GRIN2B: variants seen among roughly 807,000 people sequenced by gnomAD.
The protein encoded by GRIN2B is glutamate ionotropic receptor NMDA type subunit 2B.
In GRIN2B, 5 loss-of-function variants were observed where a neutral mutation model predicts 114.5. The observed-to-expected ratio is 0.04, with a 90% CI of 0.02 to 0.09. The LOEUF (loss-of-function observed/expected upper bound fraction) is 0.09. GRIN2B is among the 10% of genes least tolerant of loss of function. GRIN2B has a pLI of 1.00. For synonymous variants in GRIN2B, 787 were observed against 745.1 expected (o/e 1.06, Z -0.92); for missense variants, 1,108 against 1,943.5 (o/e 0.57, Z 8.08).
At chr12:13,572,014 G>A (rs750411240) in intron 10 of GRIN2B, 50 bp from the exon 11 acceptor site, 2 of 1,442,018 alleles carry the variant, frequency 1.4e-6, no homozygotes, top group Non-Finnish European at 1.9e-6. Context: ...GAGGGAGAGA[G>A]AGAGAGAAAA....
At chr12:13,874,469 C>CG (rs1450636420) in intron 2 of GRIN2B, among the ~76,000 whole-genome samples, 4 of 152,192 alleles carry the variant, frequency 2.6e-5, no homozygotes, top group African/African-American at 9.7e-5. Flanking sequence ...CAAACACTCA[C>CG]GGGTTTTTCT....
intron 8 of GRIN2B, among the ~76,000 whole-genome samples, chr12:13,613,671 G>T (rs1215314737): frequency 2.6e-5 from 4 of 152,128 alleles, no homozygotes; most frequent in African/African-American, 9.7e-5. Context: ...CTAAGAGACG[G>T]CTGGAAAATG....
chr12:13,894,934 T>C (rs1259851494), intron 2 of GRIN2B, among the ~76,000 whole-genome samples: 2 of 152,194 alleles, frequency 1.3e-5, no homozygotes, highest in Non-Finnish European at 2.9e-5. Context: ...AACCATACAA[T>C]GAATCATTTT....
rs761900678 is a variant in GRIN2B, at chr12:13,570,026, GA to G, written c.2172-10del. 86 of 1,603,210 alleles carry G rather than the reference GA, an allele frequency of 5.4e-5. No homozygotes were observed. The highest frequency in any genetic ancestry group is 5.0e-4 in the Admixed American group (30 of 59,964). ...TGAAGGCATCCAGTTTCCTGTACAGGAAAAAAGCAAACAAATCCAATGGAGG... is the reference window on the plus strand; with the variant it reads ...TGAAGGCATCCAGTTTCCTGTACAGGAAAAAGCAAACAAATCCAATGGAGG... On this transcript the variant is annotated splice_polypyrimidine_tract_variant and intron_variant, in intron 11 of 13. Transcript: ENST00000609686.
intron 2 of GRIN2B, among the ~76,000 whole-genome samples, chr12:13,880,324 C>T (rs968564169): frequency 6.6e-6 from 1 of 152,170 alleles, no homozygotes; most frequent in Non-Finnish European, 1.5e-5. Flanking sequence ...GTGGCCTGGC[C>T]AGGAGCAAGA....
At chr12:13,624,924 A>G (rs1285659761) in intron 5 of GRIN2B, among the ~76,000 whole-genome samples, 1 of 152,174 alleles carries the variant, frequency 6.6e-6, no homozygotes, top group Non-Finnish European at 1.5e-5. Flanking sequence ...GAGTGAAGGA[A>G]TGGGAAAATG....
intron 2 of GRIN2B, among the ~76,000 whole-genome samples, chr12:13,893,804 G>A (rs1866308463): frequency 6.6e-6 from 1 of 151,080 alleles, no homozygotes; most frequent in African/African-American, 2.4e-5. Context: ...GAGCAAAAAA[G>A]GGAACTTAAA....
intron 3 of GRIN2B, among the ~76,000 whole-genome samples, chr12:13,814,060 A>G (rs1172104025): frequency 6.6e-6 from 1 of 152,168 alleles, no homozygotes; most frequent in African/African-American, 2.4e-5. Context: ...CTCTTGGGGG[A>G]AATAGGAAAG....
rs1308799632 is a variant in GRIN2B, at chr12:13,920,224, C to A, written c.-18-53998G>T. On this transcript the variant is annotated intron_variant, in intron 2 of 13. Coordinates refer to ENST00000609686, the MANE Select transcript of GRIN2B (RefSeq NM_000834.5). ...GGCCAGCCTGGGTAACATAGCAAGACCCTATCTCAAGAAAAAAAAAAAAAA... is the reference window on the plus strand; with the variant it reads ...GGCCAGCCTGGGTAACATAGCAAGAACCTATCTCAAGAAAAAAAAAAAAAA... 2.5e-5 allele frequency among the ~76,000 whole-genome samples: 3 copies of A among 121,894 alleles called. No homozygotes were observed. In the Admixed American group the frequency reaches 2.5e-4, roughly 10 times the overall value. The allele number at this position is 121,894 out of a possible 152,430, so 80.0% of individuals were successfully genotyped here.
At chr12:13,896,119 T>C (rs1376908143) in intron 2 of GRIN2B, among the ~76,000 whole-genome samples, 2 of 152,042 alleles carry the variant, frequency 1.3e-5, no homozygotes, top group Non-Finnish European at 2.9e-5. Context: ...AAACAGAGGA[T>C]CGCAGTGTGA....
intron 5 of GRIN2B, among the ~76,000 whole-genome samples, chr12:13,621,333 G>A (rs76226589): frequency 6.6e-6 from 1 of 152,118 alleles, no homozygotes; most frequent in Admixed American, 6.5e-5. Flanking sequence ...GCTAACAGGA[G>A]ATATTTCAGA....
At chr12:13,708,074 A>G (rs1387440603) in intron 4 of GRIN2B, among the ~76,000 whole-genome samples, 3 of 152,060 alleles carry the variant, frequency 2.0e-5, no homozygotes, top group Non-Finnish European at 4.4e-5. Flanking sequence ...GCAGGTACAG[A>G]CTTGTGTTGA....
intron 3 of GRIN2B, among the ~76,000 whole-genome samples, chr12:13,829,695 A>C (rs913919888): frequency 6.6e-6 from 1 of 152,236 alleles, no homozygotes; most frequent in Non-Finnish European, 1.5e-5. Flanking sequence ...GTGGGAGGGA[A>C]GGGAAGTCCT....
intron 4 of GRIN2B, among the ~76,000 whole-genome samples, chr12:13,678,088 G>C (rs1476674945): frequency 6.6e-6 from 1 of 152,120 alleles, no homozygotes; most frequent in Non-Finnish European, 1.5e-5. Flanking sequence ...AGCCAACCCA[G>C]AGATTCACTT....
intron 3 of GRIN2B, among the ~76,000 whole-genome samples, chr12:13,787,394 A>G (rs1349431605): frequency 1.3e-5 from 2 of 152,254 alleles, no homozygotes; most frequent in African/African-American, 4.8e-5. Context: ...TGAAATAGAA[A>G]AAGTACTATT....
At chr12:13,658,213 A>G (rs1435944554) in intron 5 of GRIN2B, among the ~76,000 whole-genome samples, 1 of 152,140 alleles carries the variant, frequency 6.6e-6, no homozygotes, top group Non-Finnish European at 1.5e-5. Flanking sequence ...ATCTAAAAAA[A>G]AAAAAAGCTA....
intron 3 of GRIN2B, among the ~76,000 whole-genome samples, chr12:13,846,260 G>C (rs754277377): frequency 1.3e-5 from 2 of 152,094 alleles, no homozygotes; most frequent in African/African-American, 2.4e-5. Flanking sequence ...TCAACCCTAT[G>C]GAGTACTCCA....
At chr12:13,744,222 G>T (rs1487050156) in intron 4 of GRIN2B, among the ~76,000 whole-genome samples, 1 of 152,164 alleles carries the variant, frequency 6.6e-6, no homozygotes, top group Non-Finnish European at 1.5e-5. Context: ...CATTTTTTAA[G>T]AATTCCTCCC....
chr12:13,730,021 T>C (rs1376400002), intron 4 of GRIN2B, among the ~76,000 whole-genome samples: 1 of 151,446 alleles, frequency 6.6e-6, no homozygotes, highest in Non-Finnish European at 1.5e-5. Flanking sequence ...TGATTCCCCA[T>C]TCCAACATCA....
Sources: allele counts gnomAD v4.1 joint callset (sites outside exome capture counted in the v4.1 genomes callset), GRCh38; gene constraint gnomAD v4.1.1; transcripts MANE v1.5; gene names NCBI Gene and HGNC (gene_info 2026-07-23, HGNC 2026-07-21).